Variants in KCNH7 observed in about 807,000 individuals in gnomAD.
The protein encoded by KCNH7 is voltage-gated inwardly rectifying potassium channel KCNH7.
KCNH7 carries 49 observed loss-of-function variants against 120.8 expected under a neutral mutation model. The ratio of observed to expected loss-of-function variants is 0.41; its 90% confidence interval spans 0.32 to 0.51. The LOEUF (loss-of-function observed/expected upper bound fraction) is 0.51. Among genes scored for constraint, KCNH7 ranks in the 20% least tolerant of loss-of-function variants. KCNH7 has a pLI of 0.38. For synonymous variants in KCNH7, 547 were observed against 516.1 expected (o/e 1.06, Z -0.81); for missense variants, 1,097 against 1,446.6 (o/e 0.76, Z 3.92).
At chr2:162,413,947 A>G (rs1687468442) in intron 9 of KCNH7, among the ~76,000 whole-genome samples, 1 of 151,984 alleles carries the variant, frequency 6.6e-6, no homozygotes, top group African/African-American at 2.4e-5. Flanking sequence ...TATGCAAAAA[A>G]TGCTACGAAT....
intron 14 of KCNH7, among the ~76,000 whole-genome samples, chr2:162,376,368 G>GTTTTT (rs554245457): frequency 7.4e-6 from 1 of 135,670 alleles, no homozygotes; most frequent in Non-Finnish European, 1.6e-5. Flanking sequence ...AGTGTGGTTT[G>GTTTTT]TTTTTTTTTT....
chr2:162,837,277 A>C (rs1375446644), intron 1 of KCNH7, among the ~76,000 whole-genome samples: 1 of 152,238 alleles, frequency 6.6e-6, no homozygotes, highest in African/African-American at 2.4e-5. Context: ...TTAAAAACAA[A>C]GGCAACTAGC....
chr2:162,527,055 G>A (rs147791328), intron 3 of KCNH7, among the ~76,000 whole-genome samples: 10 of 152,018 alleles, frequency 6.6e-5, no homozygotes, highest in East Asian at 1.9e-4. Flanking sequence ...CTGACTTCCC[G>A]CAACATTTTC....
chr2:162,627,221 T>C (rs947522330), intron 2 of KCNH7, among the ~76,000 whole-genome samples: 1 of 152,156 alleles, frequency 6.6e-6, no homozygotes, highest in African/African-American at 2.4e-5. Flanking sequence ...GGCTTCCAGA[T>C]TCAGATAGCA....
chr2:162,478,316 C>T (rs978865022), intron 6 of KCNH7, among the ~76,000 whole-genome samples: 4 of 152,134 alleles, frequency 2.6e-5, no homozygotes, highest in African/African-American at 9.7e-5. Flanking sequence ...GTACCATAGA[C>T]TGTTACAGGT....
At chr2:162,680,069 A>G (rs993558140) in intron 2 of KCNH7, among the ~76,000 whole-genome samples, 2 of 151,814 alleles carry the variant, frequency 1.3e-5, no homozygotes, top group Non-Finnish European at 2.9e-5. Flanking sequence ...AAGGGCTTAC[A>G]GTATTTAACA....
chr2:162,397,754 C>T (rs1413982796), intron 10 of KCNH7, among the ~76,000 whole-genome samples: 1 of 151,828 alleles, frequency 6.6e-6, no homozygotes, highest in Non-Finnish European at 1.5e-5. Flanking sequence ...TGCTTAGGTG[C>T]ATTGCCTCAA....
chr2:162,473,152 A>G (rs1254879283), intron 6 of KCNH7, among the ~76,000 whole-genome samples: 1 of 152,118 alleles, frequency 6.6e-6, no homozygotes, highest in Non-Finnish European at 1.5e-5. Flanking sequence ...GCACACCAAC[A>G]TGGCACACGT....
At chr2:162,528,562 C>T (rs1004000042) in intron 3 of KCNH7, among the ~76,000 whole-genome samples, 2 of 151,816 alleles carry the variant, frequency 1.3e-5, no homozygotes, top group Non-Finnish European at 1.5e-5. Context: ...TCAAGGAACC[C>T]GCACTAAAAT....
At position 162,372,113 on chromosome 2, in the gene KCNH7, AAAC is replaced by A; in HGVS notation, c.3325-21_3325-19del. ...TCAGGACACTGATGGAAAAAGAACA[AAAC>A]AAGTTTTTATAATTCACATTGATAG... On this transcript the variant is annotated intron_variant, in intron 15 of 15. Transcript: ENST00000332142. The A allele has an allele frequency of 6.3e-7, 1 of 1,587,926 alleles. No homozygotes were observed. Among genetic ancestry groups the A allele is most frequent in the Non-Finnish European group, 8.6e-7 (1 of 1,162,512 alleles).
chr2:162,470,234 C>T (rs1375650535), intron 6 of KCNH7, among the ~76,000 whole-genome samples: 2 of 151,892 alleles, frequency 1.3e-5, no homozygotes, highest in East Asian at 2.0e-4. Context: ...GCCTCTCTGC[C>T]CGGCCGCCAT....
intron 3 of KCNH7, among the ~76,000 whole-genome samples, chr2:162,529,803 G>A (rs564316261): frequency 1.3e-5 from 2 of 151,788 alleles, no homozygotes; most frequent in African/African-American, 4.8e-5. Context: ...CTTTCACTCC[G>A]TATTATTTCC....
chr2:162,761,035 G>A (rs1433410420), intron 2 of KCNH7, among the ~76,000 whole-genome samples: 1 of 152,048 alleles, frequency 6.6e-6, no homozygotes, highest in East Asian at 1.9e-4. Flanking sequence ...TAAGAGTCAG[G>A]TGGATACATT....
intron 2 of KCNH7, among the ~76,000 whole-genome samples, chr2:162,813,895 T>G (rs1233587132): frequency 1.3e-5 from 2 of 152,206 alleles, no homozygotes; most frequent in African/African-American, 4.8e-5. Context: ...CAAAGCTTTT[T>G]TCTTTGACTA....
In KCNH7 at chr2:162,495,428, G is replaced by T. The variant is rs192939171; in HGVS notation, c.1128+9015C>A. On this transcript the variant is annotated intron_variant, in intron 6 of 15. Coordinates refer to ENST00000332142, the MANE Select transcript of KCNH7 (RefSeq NM_033272.4). ...TATTTCAGAGTACAAATCCATGGCT[G>T]GGCTAGGCTTTAAAAGGTCTTATCT... Among the ~76,000 whole-genome samples the T allele has an allele frequency of 3.8e-3, 571 of 152,202 alleles. 5 individuals are homozygous for T. The highest frequency in any genetic ancestry group is 3.5e-3 in the Non-Finnish European group (236 of 68,008).
intron 2 of KCNH7, among the ~76,000 whole-genome samples, chr2:162,543,797 G>A (rs1692392081): frequency 6.6e-6 from 1 of 152,058 alleles, no homozygotes; most frequent in African/African-American, 2.4e-5. Flanking sequence ...TAATACTGTG[G>A]GGAAGGTCAA....
At chr2:162,416,145 C>T (rs1178936453) in intron 9 of KCNH7, among the ~76,000 whole-genome samples, 1 of 152,044 alleles carries the variant, frequency 6.6e-6, no homozygotes, top group Non-Finnish European at 1.5e-5. Context: ...AATCCCACCA[C>T]TTTGGGAGTC....
chr2:162,528,775 A>G (rs886815804), intron 3 of KCNH7, among the ~76,000 whole-genome samples: 1 of 151,998 alleles, frequency 6.6e-6, no homozygotes, highest in African/African-American at 2.4e-5. Context: ...TTAAAGCAGG[A>G]ATACTAATTG....
At chr2:162,725,380 T>C (rs1257060915) in intron 2 of KCNH7, among the ~76,000 whole-genome samples, 1 of 152,170 alleles carries the variant, frequency 6.6e-6, no homozygotes, top group South Asian at 2.1e-4. Context: ...TAGTGAATGT[T>C]CTTTAGGGCA....
Sources: allele counts gnomAD v4.1 joint callset (sites outside exome capture counted in the v4.1 genomes callset), GRCh38; gene constraint gnomAD v4.1.1; transcripts MANE v1.5; gene names NCBI Gene and HGNC (gene_info 2026-07-23, HGNC 2026-07-21).